NCAN: variants seen among roughly 807,000 people sequenced by gnomAD.
NCAN encodes the protein neurocan core protein.
NCAN carries 47 observed loss-of-function variants against 121.8 expected under a neutral mutation model. The observed-to-expected ratio is 0.39, with a 90% CI of 0.31 to 0.49. NCAN has a LOEUF of 0.49. Among genes scored for constraint, NCAN ranks in the 20% least tolerant of loss-of-function variants. NCAN has a pLI of 0.92. For missense variants in NCAN, 1,517 were observed against 1,773.4 expected (o/e 0.86, Z 2.60); for synonymous variants, 633 against 702.0 (o/e 0.90, Z 1.55).
intron 11 of NCAN, 57 bp from the exon 12 acceptor site, chr19:19,240,546 C>T (rs1403385277): frequency 1.7e-5 from 26 of 1,565,128 alleles, no homozygotes; most frequent in Non-Finnish European, 2.3e-5. Context: ...GCAGCCTGTG[C>T]CCTGGGCCAG....
At chr19:19,248,985 C>T in intron 14 of NCAN, 103 bp downstream of exon 14, 1 of 1,254,218 alleles carries the variant, frequency 8.0e-7, no homozygotes, top group Non-Finnish European at 1.1e-6. Flanking sequence ...TAATGTCTGC[C>T]TGATAATACA....
At chr19:19,213,505 TGGG>T (rs11334445) in intron 1 of NCAN, among the ~76,000 whole-genome samples, 1 of 49,550 alleles carries the variant, frequency 2.0e-5, no homozygotes, top group Non-Finnish European at 4.4e-5. Context: ...GGGGTTTATG[TGGG>T]GGGGGGGGGG....
rs367562751 is a variant in NCAN, at chr19:19,224,208, C to T, written c.650+13C>T. 7.2e-5 allele frequency: 114 copies of T among 1,586,190 alleles called. No homozygotes were observed. In the African/African-American group the frequency reaches 1.5e-3, roughly 21 times the overall value. Reference sequence around the variant, plus strand: ...ACCGCACTGTTCGGTGAGGGGGATACACAGGGCAGGGAGATGAAGACTAGC... The same window carrying T: ...ACCGCACTGTTCGGTGAGGGGGATATACAGGGCAGGGAGATGAAGACTAGC... On this transcript the variant is annotated intron_variant, in intron 4 of 14. Coordinates refer to ENST00000252575, the MANE Select transcript of NCAN (RefSeq NM_004386.3).
intron 8 of NCAN, among the ~76,000 whole-genome samples, chr19:19,231,702 C>T (rs906786967): frequency 5.9e-5 from 9 of 152,124 alleles, no homozygotes; most frequent in South Asian, 2.1e-4. Flanking sequence ...TACATGAGGC[C>T]GGGCATGATG....
chr19:19,227,315 G>C lies in NCAN; in HGVS notation c.1695G>C (p.Trp565Cys). Residue 565 changes from tryptophan to cysteine, a missense_variant, in exon 8 of 15, where the codon TGG (tryptophan) becomes TGC (cysteine). Transcript: ENST00000252575. The surrounding 1 kb of genome is among the most constrained non-coding windows in gnomAD (Gnocchi z 4.2). ...GTGGCAAGAGCTCCCCAGAGCCCTG[G>C]CTGTGGCCCCCTACCATGGTCCCAC... ...SAGGKSSPEP[W>C]LWPPTMVPPS... 1 of 1,592,340 alleles carries C rather than the reference G, an allele frequency of 6.3e-7. No homozygotes were observed. The highest frequency in any genetic ancestry group is 8.6e-7 in the Non-Finnish European group (1 of 1,168,664).
Position 19,228,411 on chromosome 19 carries a change from G to A in NCAN, c.2791G>A (p.Gly931Arg). The A allele has an allele frequency of 6.2e-7, 1 of 1,613,624 alleles. No individual in the cohort carries two copies. The highest frequency in any genetic ancestry group is 1.1e-5 in the South Asian group (1 of 91,084). Residue 931 changes from glycine to arginine, a missense_variant, in exon 8 of 15, where the codon GGG (glycine) becomes AGG (arginine). Coordinates refer to ENST00000252575, the MANE Select transcript of NCAN (RefSeq NM_004386.3). Reference sequence around the variant, plus strand: ...CCTAGGGAAACCGGCTGTTCCTCCTGGGACACCGACTGCAGCCAGTGTGGG... The same window carrying A: ...CCTAGGGAAACCGGCTGTTCCTCCTAGGACACCGACTGCAGCCAGTGTGGG... The part of the protein sequence containing the change: ...SPLGKPAVPP[G>R]TPTAASVGES...
Position 19,212,302 on chromosome 19 carries a change from C to T in NCAN, c.-8+238C>T, listed in dbSNP as rs1338407869. Among the ~76,000 whole-genome samples the T allele has an allele frequency of 8.6e-6, 1 of 116,848 alleles. No individual in the cohort carries two copies. Among genetic ancestry groups the T allele is most frequent in the African/African-American group, 3.3e-5 (1 of 30,198 alleles). 76.7% of individuals were successfully genotyped at this position (116,848 alleles called of 152,430 possible). On this transcript the variant is annotated intron_variant, in intron 1 of 14. Transcript: ENST00000252575. This position sits in a 1 kb window ranked among gnomAD's most constrained non-coding sequence, Gnocchi z 4.5. ...TCCGCGGAATCCGGAGACTACCCCCCGGTGGGGAGGGGGCCGGGCTGGGGG... is the reference window on the plus strand; with the variant it reads ...TCCGCGGAATCCGGAGACTACCCCCTGGTGGGGAGGGGGCCGGGCTGGGGG...
chr19:19,215,451 AC>A (rs1039166839), intron 1 of NCAN, among the ~76,000 whole-genome samples: 2 of 152,174 alleles, frequency 1.3e-5, no homozygotes, highest in Non-Finnish European at 2.9e-5. Context: ...CTGTGTCCCA[AC>A]GACTGGCATG....
In NCAN at chr19:19,211,983, C is replaced by G. The variant is rs2060777079; in HGVS notation, c.-89C>G. ...GGAGCGCAGGGCGCAGGGGCTGGAC[C>G]CGGCGCGGAGCTGGCTGAGTCGGAG... On this transcript the variant is annotated 5_prime_UTR_variant, in exon 1 of 15. Transcript: ENST00000252575. 1 of 198,914 alleles carries G rather than the reference C, an allele frequency of 5.0e-6. No individual in the cohort carries two copies. Among genetic ancestry groups the G allele is most frequent in the South Asian group, 4.9e-5 (1 of 20,212 alleles). 12.3% of individuals were successfully genotyped at this position (198,914 alleles called of 1,614,324 possible). A position where few individuals can be genotyped will look rare whatever the true frequency, so the allele number is the denominator to read the frequency against.
At position 19,240,587 on chromosome 19, in the gene NCAN, A is replaced by G. The variant is rs769176960; in HGVS notation, c.3410-16A>G. 6.2e-7 allele frequency: 1 copy of G among 1,613,728 alleles called. No individual in the cohort carries two copies. Among genetic ancestry groups the G allele is most frequent in the Non-Finnish European group, 8.5e-7 (1 of 1,179,888 alleles). On this transcript the variant is annotated splice_polypyrimidine_tract_variant and intron_variant, in intron 11 of 14. Transcript: ENST00000252575. ...GCATGGGTGAACACCCAGACCCACA[A>G]CCCCCGACCCTGCAGGCTTTGGGCA...
At position 19,219,323 on chromosome 19, in the gene NCAN, TGGG is replaced by T; in HGVS notation, c.475+10_475+12del. The T allele has an allele frequency of 1.3e-6, 2 of 1,514,914 alleles. No homozygotes were observed. Among genetic ancestry groups the T allele is most frequent in the Non-Finnish European group, 8.8e-7 (1 of 1,132,226 alleles). The allele number at this position is 1,514,914 out of a possible 1,614,324, so 93.8% of individuals were successfully genotyped here. Reference sequence around the variant, plus strand: ...GTGCCCTTGGAGGTGACAGGTCAGTTGGGGGCAAAGGAGGGGCCGGGGGCCGGG... The same window carrying T: ...GTGCCCTTGGAGGTGACAGGTCAGTTGGCAAAGGAGGGGCCGGGGGCCGGG... On this transcript the variant is annotated splice_region_variant and intron_variant, in intron 3 of 14. Transcript: ENST00000252575.
rs1381862588 is a variant in NCAN, at chr19:19,227,037, G to T, written c.1624G>T (p.Ala542Ser). Residue 542 changes from alanine (A) to serine (S), a missense_variant, in exon 7 of 15, where the codon GCT becomes TCT. Transcript: ENST00000252575. This position sits in a 1 kb window ranked among gnomAD's most constrained non-coding sequence, Gnocchi z 4.2. The stretch of plus-strand genomic sequence containing the variant: ...CAGTGGCCAGAGCCGGAGCCCCTGG[G>T]CTGATCTGACCAATGAGGTGGATAT... ...LGSGQSRSPW[A>S]DLTNEVDMPG... is the part of the protein sequence containing the mutation. The T allele has an allele frequency of 6.6e-7, 1 of 1,518,276 alleles. No individual in the cohort carries two copies. Among genetic ancestry groups the T allele is most frequent in the Non-Finnish European group, 8.8e-7 (1 of 1,135,218 alleles). 94.1% of individuals were successfully genotyped at this position (1,518,276 alleles called of 1,614,324 possible). A position where few individuals can be genotyped will look rare whatever the true frequency, so the allele number is the denominator to read the frequency against.
chr19:19,230,300 C>T (rs2060853301), intron 8 of NCAN, among the ~76,000 whole-genome samples: 1 of 152,058 alleles, frequency 6.6e-6, no homozygotes, highest in Non-Finnish European at 1.5e-5. Context: ...CTGCCTTGGC[C>T]TCCCAAAGTG....
At position 19,242,532 on chromosome 19, in the gene NCAN, A is replaced by G. The variant is rs551911875; in HGVS notation, c.3492+1847A>G. On this transcript the variant is annotated intron_variant, in intron 12 of 14. Transcript: ENST00000252575. The stretch of plus-strand genomic sequence containing the variant: ...TGGTGAAACCCTGTCTCTACTAAAA[A>G]TAAAAAAATAGCTGGGTGTGATGGC... Among the ~76,000 whole-genome samples the G allele has an allele frequency of 3.3e-5, 5 of 152,026 alleles. No homozygotes were observed. In the East Asian group the frequency reaches 9.8e-4, roughly 30 times the overall value.
chr19:19,244,346 T>TC (rs1475553490), intron 12 of NCAN, among the ~76,000 whole-genome samples: 1 of 142,936 alleles, frequency 7.0e-6, no homozygotes, highest in Non-Finnish European at 1.5e-5. Flanking sequence ...TCTCACTCCA[T>TC]CACCCGGGCT....
rs148844959 is a variant in NCAN at position 19,248,882 on chromosome 19, C to T, written c.3820C>T (p.Pro1274Ser). Residue 1274 changes from proline to serine, a missense_variant and splice_region_variant, in exon 14 of 15, where the codon CCC becomes TCC. Pro to Ser is a moderately conservative substitution (Grantham distance 74). Transcript: ENST00000252575. ...CAGGCCCCAAATTGTCTGCACCAAA[C>T]GTAAGTAGCTTCTCCCAGAGATCTC... ...WDRPQIVCTK[P>S]RRSHRMRRHH... is the part of the protein sequence containing the mutation. The T allele has an allele frequency of 2.2e-5, 35 of 1,613,468 alleles. No homozygotes were observed. The African/African-American group carries it at 3.2e-4, about 15-fold the overall frequency.
chr19:19,242,603 C>A (rs1386970505), intron 12 of NCAN, among the ~76,000 whole-genome samples: 2 of 151,962 alleles, frequency 1.3e-5, no homozygotes, highest in African/African-American at 4.8e-5. Context: ...GCAGGAGAAT[C>A]GCTTGAACCT....
Position 19,243,888 on chromosome 19 carries a change from T to C in NCAN, c.3493-1425T>C, listed in dbSNP as rs183840716. 5.7e-3 allele frequency among the ~76,000 whole-genome samples: 868 copies of C among 151,940 alleles called. 6 individuals carry two copies. Among genetic ancestry groups the C allele is most frequent in the Middle Eastern group, 0.01 (3 of 294 alleles). On this transcript the variant is annotated intron_variant, in intron 12 of 14. Coordinates refer to ENST00000252575, the MANE Select transcript of NCAN (RefSeq NM_004386.3). ...TGAAAATACAAAAATTAGCTGGGCA[T>C]GGTGGCGCATGCCTGTAATCCCAGC...
rs773581270 is a variant in NCAN, at chr19:19,224,201, G to A, written c.650+6G>A. 7 of 1,587,360 alleles carry A rather than the reference G, an allele frequency of 4.4e-6. No homozygotes were observed. In the African/African-American group the frequency reaches 8.0e-5, roughly 18 times the overall value. ...CTCTCTGACCGCACTGTTCGGTGAG[G>A]GGGATACACAGGGCAGGGAGATGAA... On this transcript the variant is annotated splice_donor_region_variant and intron_variant, in intron 4 of 14. Transcript: ENST00000252575.
Sources: gnomAD v4.1 joint callset for allele counts (sites outside exome capture counted in the v4.1 genomes callset) on GRCh38, gnomAD v4.1.1 for gene constraint, Gnocchi (gnomAD v3.1) non-coding constraint, MANE v1.5 for transcripts, NCBI Gene and HGNC (gene_info 2026-07-23, HGNC 2026-07-21) for gene names.